Variants in SLC35D4 observed in about 807,000 individuals in gnomAD.
SLC35D4 encodes solute carrier family 35 member D4.
chr18:23,404,645 C>A, the SLC35D4 span, among the ~76,000 whole-genome samples: 1 of 145,238 alleles, frequency 6.9e-6, no homozygotes, highest in Non-Finnish European at 1.5e-5. Context: ...GCCGAGATCA[C>A]GCCATTGCAC....
the SLC35D4 span, among the ~76,000 whole-genome samples, chr18:23,379,820 G>A: frequency 6.6e-6 from 1 of 152,084 alleles, no homozygotes; most frequent in East Asian, 1.9e-4. Context: ...AAAGGGCTAG[G>A]GGTGGTGGCT....
the SLC35D4 span, among the ~76,000 whole-genome samples, chr18:23,425,466 T>C: frequency 6.6e-6 from 1 of 152,236 alleles, no homozygotes; most frequent in Non-Finnish European, 1.5e-5. Flanking sequence ...AAATTGATCA[T>C]ACATTGAAAA....
the SLC35D4 span, among the ~76,000 whole-genome samples, chr18:23,328,522 GAA>G: frequency 6.6e-6 from 1 of 152,130 alleles, no homozygotes; most frequent in Non-Finnish European, 1.5e-5. Flanking sequence ...TCCTCAAGGA[GAA>G]CTACATACCA....
the SLC35D4 span, among the ~76,000 whole-genome samples, chr18:23,311,049 T>C: frequency 6.6e-6 from 1 of 151,872 alleles, no homozygotes. Flanking sequence ...AAAGATCATA[T>C]TGAATGACAA....
the SLC35D4 span, among the ~76,000 whole-genome samples, chr18:23,359,917 A>T: frequency 6.6e-6 from 1 of 152,198 alleles, no homozygotes; most frequent in Non-Finnish European, 1.5e-5. Flanking sequence ...TCCTCTTCTC[A>T]AGGAAGGTTC....
At chr18:23,272,916 C>A in the SLC35D4 span, among the ~76,000 whole-genome samples, 1 of 152,188 alleles carries the variant, frequency 6.6e-6, no homozygotes, top group Non-Finnish European at 1.5e-5. Flanking sequence ...AGTCCTACAT[C>A]CCCACATGGA....
chr18:23,276,157 G>T, the SLC35D4 span, among the ~76,000 whole-genome samples: 101 of 151,668 alleles, frequency 6.7e-4, no homozygotes, highest in African/African-American at 2.3e-3. Context: ...GCGCAATCTC[G>T]GCTCACTGCA....
At chr18:23,302,342 C>G in the SLC35D4 span, among the ~76,000 whole-genome samples, 1 of 152,182 alleles carries the variant, frequency 6.6e-6, no homozygotes, top group Non-Finnish European at 1.5e-5. Flanking sequence ...GAACTTTAGA[C>G]CAGTGATTCT....
chr18:23,377,534 ATAAAT>A, the SLC35D4 span: 1 of 1,011,176 alleles, frequency 9.9e-7, no homozygotes, highest in East Asian at 3.0e-5. Flanking sequence ...AATGTTTATA[ATAAAT>A]TCTTCTGCCA....
At chr18:23,277,740 G>C in the SLC35D4 span, among the ~76,000 whole-genome samples, 1 of 152,168 alleles carries the variant, frequency 6.6e-6, no homozygotes, top group East Asian at 1.9e-4. Context: ...GGGTGAAGGA[G>C]TCAATTTATC....
chr18:23,377,654 C>A, the SLC35D4 span: 138 of 1,578,364 alleles, frequency 8.7e-5, no homozygotes, highest in Non-Finnish European at 1.1e-4. Flanking sequence ...ACCTACAGAT[C>A]TTTGCAGGAG....
At chr18:23,322,617 A>T in the SLC35D4 span, among the ~76,000 whole-genome samples, 1 of 152,116 alleles carries the variant, frequency 6.6e-6, no homozygotes, top group Admixed American at 6.6e-5. Context: ...ACTTTGGAGG[A>T]CTTCTTCCTC....
chr18:23,247,917 C>G, the SLC35D4 span, among the ~76,000 whole-genome samples: 10 of 152,218 alleles, frequency 6.6e-5, no homozygotes, highest in African/African-American at 1.2e-4. Flanking sequence ...CCAAGGGTCT[C>G]GCAGCATCTG....
chr18:23,354,034 G>A, the SLC35D4 span, among the ~76,000 whole-genome samples: 7 of 152,162 alleles, frequency 4.6e-5, no homozygotes, highest in East Asian at 7.7e-4. Context: ...CAGCAAGGGC[G>A]CTGGCACAGC....
the SLC35D4 span, chr18:23,260,342 C>T: frequency 6.6e-6 from 1 of 152,262 alleles, no homozygotes; most frequent in Non-Finnish European, 1.5e-5. Context: ...GGGGCGGCCG[C>T]TTCACACAAG....
At chr18:23,377,091 A>C in the SLC35D4 span, 66 of 415,100 alleles carry the variant, frequency 1.6e-4, no homozygotes, top group African/African-American at 1.2e-3. Context: ...AGCGGGAAGC[A>C]GTCAGATGCA....
chr18:23,344,600 CTTT>C, the SLC35D4 span, among the ~76,000 whole-genome samples: 6 of 126,060 alleles, frequency 4.8e-5, no homozygotes, highest in Middle Eastern at 4.1e-3. Flanking sequence ...TTTTTTTCTT[CTTT>C]TTTTTTTTTT....
chr18:23,258,588 G>A, the SLC35D4 span: 2 of 152,200 alleles, frequency 1.3e-5, no homozygotes, highest in African/African-American at 4.8e-5. Context: ...ACCAGCTGAA[G>A]TTCCCCTGAC....
At chr18:23,244,320 A>G in the SLC35D4 span, among the ~76,000 whole-genome samples, 1 of 152,244 alleles carries the variant, frequency 6.6e-6, no homozygotes, top group Non-Finnish European at 1.5e-5. Flanking sequence ...TGAAGCAGAG[A>G]GAGCTTTTCT....
Sources: gnomAD v4.1 joint callset for allele counts (sites outside exome capture counted in the v4.1 genomes callset) on GRCh38, gnomAD v4.1.1 for gene constraint, MANE v1.5 for transcripts, NCBI Gene and HGNC (gene_info 2026-07-23, HGNC 2026-07-21) for gene names.